RNF157: variants seen among roughly 807,000 people sequenced by gnomAD.
RNF157 encodes E3 ubiquitin ligase RNF157.
In RNF157, 55 loss-of-function variants were observed where a neutral mutation model predicts 88.3. The ratio of observed to expected loss-of-function variants is 0.62; its 90% CI spans 0.50 to 0.78. RNF157 has a LOEUF of 0.78. Among genes scored for constraint, RNF157 ranks in the 30% least tolerant of loss-of-function variants. RNF157 has a pLI of 0.00. For missense variants in RNF157, 788 were observed against 860.8 expected, an observed-to-expected ratio of 0.92 and a Z score of 1.06; for synonymous variants, 334 against 341.2, an observed-to-expected ratio of 0.98 and a Z score of 0.23.
rs1238489281 is a variant in RNF157 at position 76,160,076 on chromosome 17, T to A, written c.1066-503A>T. Among the ~76,000 whole-genome samples, 1 of 152,164 alleles carries A rather than the reference T, an allele frequency of 6.6e-6. No homozygotes were observed. The highest frequency in any genetic ancestry group is 1.5e-5 in the Non-Finnish European group (1 of 68,018). ...CTCAATTGATCCTCCCACCATGGCCTCCCAAAGTGCTAGGATTACAGATGT... is the reference window on the plus strand; with the variant it reads ...CTCAATTGATCCTCCCACCATGGCCACCCAAAGTGCTAGGATTACAGATGT... On this transcript the variant is annotated intron_variant, in intron 11 of 18. Coordinates refer to ENST00000269391, the MANE Select transcript of RNF157 (RefSeq NM_052916.3). The surrounding 1 kb of genome is among the most constrained non-coding windows in gnomAD (Gnocchi z 4.3).
rs1421490556 is a variant in RNF157 at position 76,225,563 on chromosome 17, A to G, written c.89-13081T>C. ...ATATTGTCTGCATAATTGAATGCAC[A>G]TATTGATCTGCAAGTTGCTTTCACC... is the stretch of plus-strand genomic sequence containing the variant. On this transcript the variant is annotated intron_variant, in intron 1 of 18. Coordinates refer to ENST00000269391, the MANE Select transcript of RNF157 (RefSeq NM_052916.3). Among the ~76,000 whole-genome samples, 5 of 152,232 alleles carry G rather than the reference A, an allele frequency of 3.3e-5. No homozygotes were observed. In the East Asian group the frequency reaches 9.6e-4, roughly 29 times the overall value.
In RNF157 at chr17:76,151,986, A is replaced by C. The variant is rs545270490; in HGVS notation, c.1921+369T>G. The stretch of plus-strand genomic sequence containing the variant: ...TTAAAGGGCGCAGGCAATCCTTCCA[A>C]GACCTTCGTAGAGAGGTGGTGTCTG... On this transcript the variant is annotated intron_variant, in intron 18 of 18. Coordinates refer to ENST00000269391, the MANE Select transcript of RNF157 (RefSeq NM_052916.3). Among the ~76,000 whole-genome samples the C allele has an allele frequency of 2.0e-5, 3 of 152,284 alleles. No individual in the cohort carries two copies. The South Asian group carries it at 6.2e-4, about 32-fold the overall frequency.
intron 2 of RNF157, among the ~76,000 whole-genome samples, chr17:76,192,968 C>T (rs1454005946): frequency 2.0e-4 from 31 of 151,960 alleles, no homozygotes; most frequent in Admixed American, 1.9e-3. Context: ...GTAACAGCCG[C>T]GCGCCACCAC....
intron 1 of RNF157, among the ~76,000 whole-genome samples, chr17:76,223,348 T>G (rs184857490): frequency 0.011 from 1,671 of 151,500 alleles, 100 homozygotes; most frequent in Admixed American, 0.096. Flanking sequence ...CCACCAAACC[T>G]GGCTAATTTT....
chr17:76,165,672 T>A, intron 6 of RNF157, 127 bp from the exon 7 acceptor site: 1 of 950,160 alleles, frequency 1.1e-6, no homozygotes, highest in Non-Finnish European at 1.7e-6. Context: ...GGGCACGTTA[T>A]ATAACCCATA....
Position 76,197,967 on chromosome 17 carries a change from G to T in RNF157, c.207+14397C>A, listed in dbSNP as rs578072079. Among the ~76,000 whole-genome samples, 32 of 152,298 alleles carry T rather than the reference G, an allele frequency of 2.1e-4. No individual in the cohort carries two copies. In the South Asian group the frequency reaches 6.4e-3, roughly 31 times the overall value. ...AAATAGCCCTCTCCCTTGAAGATGGGAGGAACCTGCTCCTCCACCCTTCAT... is the reference window on the plus strand; with the variant it reads ...AAATAGCCCTCTCCCTTGAAGATGGTAGGAACCTGCTCCTCCACCCTTCAT... On this transcript the variant is annotated intron_variant, in intron 2 of 18. Coordinates refer to ENST00000269391, the MANE Select transcript of RNF157 (RefSeq NM_052916.3).
chr17:76,231,501 T>A (rs1167660183), intron 1 of RNF157, among the ~76,000 whole-genome samples: 1 of 152,212 alleles, frequency 6.6e-6, no homozygotes, highest in South Asian at 2.1e-4. Flanking sequence ...TCTCACCACG[T>A]TGACTGGGCT....
intron 6 of RNF157, among the ~76,000 whole-genome samples, chr17:76,166,189 G>A (rs1037144836): frequency 1.3e-5 from 2 of 152,122 alleles, no homozygotes; most frequent in Admixed American, 1.3e-4. Flanking sequence ...TGCCTAGGCT[G>A]GTCTCGAACT....
intron 2 of RNF157, among the ~76,000 whole-genome samples, chr17:76,203,403 AAGCCATTC>A (rs1429145329): frequency 6.6e-6 from 1 of 152,158 alleles, no homozygotes; most frequent in African/African-American, 2.4e-5. Context: ...GTCAGTGGCA[AAGCCATTC>A]ATGACTATGA....
At chr17:76,187,186 T>C (rs1459038139) in intron 2 of RNF157, among the ~76,000 whole-genome samples, 2 of 151,756 alleles carry the variant, frequency 1.3e-5, no homozygotes, top group Admixed American at 1.3e-4. Context: ...TTTTTTCTTC[T>C]TCTTTTTTTT....
Position 76,195,658 on chromosome 17 carries a change from G to A in RNF157, c.207+16706C>T, listed in dbSNP as rs2069466140. Among the ~76,000 whole-genome samples the A allele has an allele frequency of 6.6e-6, 1 of 152,190 alleles. No individual in the cohort carries two copies. The highest frequency in any genetic ancestry group is 2.4e-5 in the African/African-American group (1 of 41,432). On this transcript the variant is annotated intron_variant, in intron 2 of 18. Transcript: ENST00000269391. The surrounding 1 kb of genome is among the most constrained non-coding windows in gnomAD (Gnocchi z 4.4). ...AACAATAGAGTGGATAAATTATGGT[G>A]TATTCACACAATGAAATACTATGCA...
chr17:76,177,418 T>C (rs1021237516), intron 2 of RNF157, among the ~76,000 whole-genome samples: 4 of 151,312 alleles, frequency 2.6e-5, no homozygotes, highest in African/African-American at 9.7e-5. Context: ...CAAGGTGCTG[T>C]TGCAGCCAGG....
At chr17:76,164,007 G>T (rs2068884429) in intron 8 of RNF157, 1 of 152,350 alleles carries the variant, frequency 6.6e-6, no homozygotes, top group African/African-American at 2.4e-5. Flanking sequence ...AGAATTTCAG[G>T]TATCTATCAC....
chr17:76,173,045 G>C (rs1008390894), intron 3 of RNF157, among the ~76,000 whole-genome samples: 13 of 152,194 alleles, frequency 8.5e-5, no homozygotes, highest in Non-Finnish European at 1.3e-4. Flanking sequence ...CCAGCACTTT[G>C]GGAGGCCAAG....
intron 16 of RNF157, among the ~76,000 whole-genome samples, chr17:76,154,945 TA>T (rs1313119480): frequency 6.6e-6 from 1 of 152,148 alleles, no homozygotes; most frequent in East Asian, 1.9e-4. Flanking sequence ...GTCCTCCATG[TA>T]AATACTAGTG....
intron 1 of RNF157, among the ~76,000 whole-genome samples, chr17:76,221,090 C>T (rs558015250): frequency 6.6e-6 from 1 of 152,244 alleles, no homozygotes; most frequent in African/African-American, 2.4e-5. Context: ...CACTGCACTC[C>T]AGCCTGGGCA....
chr17:76,202,128 T>TCTCTCTCTCA (rs1250661867), intron 2 of RNF157, among the ~76,000 whole-genome samples: 207 of 134,658 alleles, frequency 1.5e-3, no homozygotes, highest in South Asian at 8.4e-3. Flanking sequence ...TCTCTCTCTC[T>TCTCTCTCTCA]CACACACACA....
At chr17:76,234,696 C>G (rs2070251766) in intron 1 of RNF157, among the ~76,000 whole-genome samples, 1 of 152,086 alleles carries the variant, frequency 6.6e-6, no homozygotes, top group South Asian at 2.1e-4. Context: ...GTGCTGTGAC[C>G]ATTTTTAATT....
intron 2 of RNF157, among the ~76,000 whole-genome samples, chr17:76,205,178 G>T (rs1441742826): frequency 1.4e-5 from 2 of 147,228 alleles, no homozygotes; most frequent in African/African-American, 5.1e-5. Context: ...ATGCTCTGTA[G>T]CCCAGGCTAG....
Sources: gnomAD v4.1 joint callset for allele counts (sites outside exome capture counted in the v4.1 genomes callset) on GRCh38, gnomAD v4.1.1 for gene constraint, Gnocchi (gnomAD v3.1) non-coding constraint, MANE v1.5 for transcripts, NCBI Gene and HGNC (gene_info 2026-07-23, HGNC 2026-07-21) for gene names.